Variants in SORBS2 observed in about 807,000 individuals in gnomAD.
SORBS2 encodes sorbin and SH3 domain containing 2.
In SORBS2, 46 loss-of-function variants were observed where a neutral mutation model predicts 97.7. That is an observed-to-expected ratio of 0.47 (90% CI 0.37 to 0.60). The LOEUF is 0.60. SORBS2 is among the 20% of genes least tolerant of loss of function. The probability of loss-of-function intolerance (pLI) is 0.00; values close to 1 mark genes in which losing one functional copy is unlikely to be tolerated. For missense variants in SORBS2, 1,316 were observed against 1,282.3 expected, an observed-to-expected ratio of 1.03 and a Z score of -0.40; for synonymous variants, 476 against 473.4, an observed-to-expected ratio of 1.01 and a Z score of -0.07.
At chr4:185,617,116 T>C (rs988594013) in intron 9 of SORBS2, among the ~76,000 whole-genome samples, 1 of 152,332 alleles carries the variant, frequency 6.6e-6, no homozygotes, top group African/African-American at 2.4e-5. Context: ...CTACTTCACA[T>C]CCCCTGCCAT....
chr4:185,880,712 C>A (rs2099236419), intron 1 of SORBS2, among the ~76,000 whole-genome samples: 1 of 152,212 alleles, frequency 6.6e-6, no homozygotes, highest in Non-Finnish European at 1.5e-5. Context: ...GGACCAGTGG[C>A]CTTTCCTCTC....
chr4:185,934,555 G>A (rs1276239151), intron 1 of SORBS2, among the ~76,000 whole-genome samples: 3 of 152,078 alleles, frequency 2.0e-5, no homozygotes, highest in African/African-American at 7.2e-5. Flanking sequence ...GAGGTCAGGA[G>A]TTCGACACCA....
chr4:185,776,178 G>A (rs982167817), intron 1 of SORBS2, among the ~76,000 whole-genome samples: 1 of 152,232 alleles, frequency 6.6e-6, no homozygotes, highest in African/African-American at 2.4e-5. Flanking sequence ...AGCACTCTGG[G>A]AATACAGTGG....
In SORBS2 at chr4:185,850,449, A is replaced by G. The variant is rs115008426; in HGVS notation, c.-337-75083T>C. On this transcript the variant is annotated intron_variant, in intron 1 of 20. Coordinates refer to the SORBS2 transcript ENST00000284776. ...GTTGTCAGAGAGACCCAAGCAAATG[A>G]CAGCATGTAGCTCCTTGGTATCCTG... Among the ~76,000 whole-genome samples the G allele has an allele frequency of 3.0e-3, 450 of 152,322 alleles. 5 individuals are homozygous for G. Among genetic ancestry groups the G allele is most frequent in the African/African-American group, 1.0e-2 (415 of 41,578 alleles).
intron 4 of SORBS2, among the ~76,000 whole-genome samples, chr4:185,636,686 T>G (rs867453822): frequency 1.3e-5 from 2 of 150,230 alleles, no homozygotes; most frequent in East Asian, 3.9e-4. Context: ...TCTCACTCTG[T>G]CGCCCAGGCT....
exon 15 of SORBS2, chr4:185,586,294 C>T (rs531364562): frequency 1.3e-5 from 2 of 152,566 alleles, no homozygotes; most frequent in Non-Finnish European, 2.9e-5. Flanking sequence ...CCATATTAAA[C>T]CTTCCAGGTC....
chr4:185,769,564 C>G (rs1006612479), intron 2 of SORBS2, among the ~76,000 whole-genome samples: 6 of 152,168 alleles, frequency 3.9e-5, no homozygotes, highest in African/African-American at 9.7e-5. Flanking sequence ...CATCTCGGCT[C>G]ACGGCAACCT....
At chr4:185,832,284 A>G (rs1343439189) in intron 1 of SORBS2, among the ~76,000 whole-genome samples, 3 of 152,208 alleles carry the variant, frequency 2.0e-5, no homozygotes, top group Non-Finnish European at 4.4e-5. Context: ...GCTGTTACAT[A>G]TCTATAAAAA....
chr4:185,623,413 A>G lies in SORBS2; in HGVS notation c.1716T>C (p.Phe572=), dbSNP rs1291274231. ...CTCTTTCGTGTTTTAACATTGTGGT[A>G]AATCGAGTGTAGGAGGCCGGGCACC... The change falls in exon 7 of 15, where the codon TTT becomes TTC. Residue 572 remains phenylalanine, a synonymous_variant. Transcript: ENST00000418609. The surrounding 1 kb of genome is among the most constrained non-coding windows in gnomAD (Gnocchi z 6.4). 3 of 1,611,424 alleles carry G rather than the reference A, an allele frequency of 1.9e-6. No homozygotes were observed. Among genetic ancestry groups the G allele is most frequent in the African/African-American group, 2.7e-5 (2 of 74,844 alleles).
chr4:185,677,622 T>G (rs1209230924), intron 4 of SORBS2: 1 of 1,517,566 alleles, frequency 6.6e-7, no homozygotes, highest in Non-Finnish European at 8.8e-7. Context: ...CTCTTTTCTT[T>G]CTGGTGGAGG....
intron 2 of SORBS2, among the ~76,000 whole-genome samples, chr4:185,714,765 A>G (rs965683426): frequency 6.6e-6 from 1 of 152,160 alleles, no homozygotes; most frequent in Non-Finnish European, 1.5e-5. Flanking sequence ...AGATGTATTC[A>G]CTACCACGAG....
At chr4:185,944,010 G>A (rs1358802348) in intron 1 of SORBS2, among the ~76,000 whole-genome samples, 1 of 152,152 alleles carries the variant, frequency 6.6e-6, no homozygotes, top group African/African-American at 2.4e-5. Flanking sequence ...TAAAAATGTT[G>A]AAACGAAGCT....
At chr4:185,839,053 C>G (rs2099209911) in intron 1 of SORBS2, among the ~76,000 whole-genome samples, 1 of 152,232 alleles carries the variant, frequency 6.6e-6, no homozygotes, top group Non-Finnish European at 1.5e-5. Context: ...GGCCCCAACA[C>G]TGCACGATGT....
intron 1 of SORBS2, among the ~76,000 whole-genome samples, chr4:185,901,365 G>T (rs1408467002): frequency 3.9e-5 from 6 of 152,042 alleles, no homozygotes; most frequent in Non-Finnish European, 7.4e-5. Context: ...ACCACGGTCG[G>T]CTAATTTTTT....
intron 2 of SORBS2, among the ~76,000 whole-genome samples, 180 bp from the exon 3 acceptor site, chr4:185,734,334 T>C (rs1005686329): frequency 1.3e-5 from 2 of 152,234 alleles, no homozygotes; most frequent in African/African-American, 4.8e-5. Context: ...ACTGGGTGGA[T>C]ACTTACTGTT....
intron 1 of SORBS2, among the ~76,000 whole-genome samples, chr4:185,790,930 A>G (rs1273210401): frequency 6.6e-6 from 1 of 152,230 alleles, no homozygotes. Flanking sequence ...GTACTTAGCT[A>G]TGAATATTCC....
chr4:185,704,459 C>T (rs2098311240), intron 2 of SORBS2, among the ~76,000 whole-genome samples: 1 of 151,808 alleles, frequency 6.6e-6, no homozygotes, highest in Non-Finnish European at 1.5e-5. Flanking sequence ...GCTGGGATCG[C>T]AGGCATGCAC....
At chr4:185,876,048 C>T (rs530240643) in intron 1 of SORBS2, among the ~76,000 whole-genome samples, 2 of 152,264 alleles carry the variant, frequency 1.3e-5, no homozygotes, top group African/African-American at 4.8e-5. Flanking sequence ...CAACTTTTGA[C>T]GCGAGTGTAA....
intron 1 of SORBS2, among the ~76,000 whole-genome samples, chr4:185,889,032 G>A (rs1321752140): frequency 6.6e-6 from 1 of 152,204 alleles, no homozygotes; most frequent in African/African-American, 2.4e-5. Context: ...GATCGGGGCT[G>A]AGTGAGCTTC....
Sources: allele counts gnomAD v4.1 joint callset (sites outside exome capture counted in the v4.1 genomes callset), GRCh38; gene constraint gnomAD v4.1.1; non-coding constraint Gnocchi (gnomAD v3.1); transcripts MANE v1.5; gene names NCBI Gene and HGNC (gene_info 2026-07-23, HGNC 2026-07-21).